The following MAN1C1 variants were observed in gnomAD, a reference collection of about 807,000 sequenced individuals.
MAN1C1 encodes mannosidase alpha class 1C member 1.
In MAN1C1, 49 loss-of-function variants were observed where a neutral mutation model predicts 71.5. The ratio of observed to expected loss-of-function variants is 0.69; its 90% confidence interval spans 0.54 to 0.87. The LOEUF (loss-of-function observed/expected upper bound fraction) is 0.87. Ranked by LOEUF, MAN1C1 falls within the 40% of genes least tolerant of loss-of-function variation. The pLI, the probability that MAN1C1 is intolerant of heterozygous loss-of-function variation, is 0.00. For synonymous variants in MAN1C1, 352 were observed against 343.7 expected, an observed-to-expected ratio of 1.02 and a Z score of -0.27; for missense variants, 743 against 835.0, an observed-to-expected ratio of 0.89 and a Z score of 1.36.
At chr1:25,657,359 C>A (rs2045782617) in intron 1 of MAN1C1, among the ~76,000 whole-genome samples, 1 of 152,206 alleles carries the variant, frequency 6.6e-6, no homozygotes, top group Admixed American at 6.5e-5. Context: ...GTTATCAGGC[C>A]AGCCTGGCCA....
At chr1:25,768,625 C>T (rs1420378810) in intron 7 of MAN1C1, among the ~76,000 whole-genome samples, 1 of 125,230 alleles carries the variant, frequency 8.0e-6, no homozygotes, top group African/African-American at 3.0e-5. Flanking sequence ...ACACTCCCCT[C>T]ACACACACAA....
chr1:25,753,379 C>G lies in MAN1C1; in HGVS notation c.835-105C>G. 1 of 770,920 alleles carries G rather than the reference C, an allele frequency of 1.3e-6. No homozygotes were observed. Among genetic ancestry groups the G allele is most frequent in the South Asian group, 1.9e-5 (1 of 51,504 alleles). 47.8% of individuals were successfully genotyped at this position (770,920 alleles called of 1,614,324 possible). Reference sequence around the variant, plus strand: ...GTGGACTGCAGCACTGCCCCCTACTCTAGACCTGCAGCCCTGGGGGGTTCA... The same window carrying G: ...GTGGACTGCAGCACTGCCCCCTACTGTAGACCTGCAGCCCTGGGGGGTTCA... On this transcript the variant is annotated intron_variant, in intron 4 of 11. Coordinates refer to ENST00000374332, the MANE Select transcript of MAN1C1 (RefSeq NM_020379.4). The surrounding 1 kb of genome is among the most constrained non-coding windows in gnomAD (Gnocchi z 4.9).
In MAN1C1 at chr1:25,719,744, C is replaced by T. The variant is rs376672484; in HGVS notation, c.638-26924C>T. ...CACCTGACCTACATTTTTATTATTG[C>T]CATTCTAGTGGGTGGAAAGTGATAT... On this transcript the variant is annotated intron_variant, in intron 2 of 11. Coordinates refer to ENST00000374332, the MANE Select transcript of MAN1C1 (RefSeq NM_020379.4). 1.4e-3 allele frequency among the ~76,000 whole-genome samples: 208 copies of T among 151,832 alleles called. 1 individual carries two copies. The highest frequency in any genetic ancestry group is 4.9e-3 in the African/African-American group (204 of 41,386).
At chr1:25,683,629 T>C (rs1336970163) in intron 1 of MAN1C1, among the ~76,000 whole-genome samples, 2 of 147,494 alleles carry the variant, frequency 1.4e-5, no homozygotes, top group Non-Finnish European at 3.0e-5. Flanking sequence ...AGCTGGGACC[T>C]GAAGGAAGAT....
intron 1 of MAN1C1, among the ~76,000 whole-genome samples, chr1:25,648,452 G>A (rs533057455): frequency 1.3e-5 from 2 of 152,146 alleles, no homozygotes; most frequent in South Asian, 4.1e-4. Flanking sequence ...AGAACCTGGA[G>A]GAGGAGGAGG....
At chr1:25,663,460 G>A (rs76472199) in intron 1 of MAN1C1, among the ~76,000 whole-genome samples, 278 of 152,272 alleles carry the variant, frequency 1.8e-3, no homozygotes, top group Non-Finnish European at 3.7e-3. Context: ...ATTAGGCACA[G>A]TAACAGATTA....
intron 2 of MAN1C1, among the ~76,000 whole-genome samples, chr1:25,737,893 G>C (rs979186555): frequency 3.9e-5 from 6 of 152,164 alleles, no homozygotes; most frequent in African/African-American, 1.4e-4. Context: ...GGAGCTGCTG[G>C]TGGTCTGATG....
At chr1:25,781,700 C>G (rs1376987731) in intron 10 of MAN1C1, among the ~76,000 whole-genome samples, 1 of 152,108 alleles carries the variant, frequency 6.6e-6, no homozygotes, top group Non-Finnish European at 1.5e-5. Context: ...CTATCTCCCC[C>G]ACCACCCCCG....
At position 25,764,538 on chromosome 1, in the gene MAN1C1, G is replaced by A. The variant is rs530134815; in HGVS notation, c.1141+571G>A. ...AGTGATTCTCCTGACTCAGCCACCCGAGTAGCTGGGACTACAAGCATGTGC... is the reference window on the plus strand; with the variant it reads ...AGTGATTCTCCTGACTCAGCCACCCAAGTAGCTGGGACTACAAGCATGTGC... On this transcript the variant is annotated intron_variant, in intron 7 of 11. Coordinates refer to ENST00000374332, the MANE Select transcript of MAN1C1 (RefSeq NM_020379.4). The surrounding 1 kb of genome is among the most constrained non-coding windows in gnomAD (Gnocchi z 4.4). Among the ~76,000 whole-genome samples the A allele has an allele frequency of 6.6e-6, 1 of 151,832 alleles. No homozygotes were observed. The highest frequency in any genetic ancestry group is 2.1e-4 in the South Asian group (1 of 4,824).
rs569066261 is a variant in MAN1C1, at chr1:25,781,686, GC to G, written c.1650+578del. 4.1e-3 allele frequency among the ~76,000 whole-genome samples: 630 copies of G among 152,192 alleles called. 2 individuals carry two copies. Among genetic ancestry groups the G allele is most frequent in the Middle Eastern group, 0.01 (3 of 294 alleles). On this transcript the variant is annotated intron_variant, in intron 10 of 11. Coordinates refer to ENST00000374332, the MANE Select transcript of MAN1C1 (RefSeq NM_020379.4). ...CCCTGGTGGATGCTGAGCCTTCTCTGCCCCTATCTCCCCCACCACCCCCGTG... is the reference window on the plus strand; with the variant it reads ...CCCTGGTGGATGCTGAGCCTTCTCTGCCCTATCTCCCCCACCACCCCCGTG...
At chr1:25,628,651 G>T (rs2124751758) in intron 1 of MAN1C1, among the ~76,000 whole-genome samples, 1 of 152,218 alleles carries the variant, frequency 6.6e-6, no homozygotes, top group Non-Finnish European at 1.5e-5. Flanking sequence ...GTGGTCTTTG[G>T]TTACATGGAT....
intron 2 of MAN1C1, among the ~76,000 whole-genome samples, chr1:25,696,561 T>C (rs1454547035): frequency 6.6e-6 from 1 of 152,156 alleles, no homozygotes; most frequent in Non-Finnish European, 1.5e-5. Context: ...ATTAAAAGCA[T>C]TTCCATCACC....
chr1:25,680,654 T>G (rs1195365808), intron 1 of MAN1C1, among the ~76,000 whole-genome samples: 2 of 152,250 alleles, frequency 1.3e-5, no homozygotes, highest in Non-Finnish European at 2.9e-5. Context: ...CTTCATTCCT[T>G]TTTCCATCTG....
At chr1:25,683,685 C>T (rs1047591287) in intron 1 of MAN1C1, among the ~76,000 whole-genome samples, 8 of 151,884 alleles carry the variant, frequency 5.3e-5, no homozygotes, top group Middle Eastern at 3.4e-3. Context: ...AAGTGCATTA[C>T]CACCATGGCT....
chr1:25,662,574 A>G (rs2045864340), intron 1 of MAN1C1, among the ~76,000 whole-genome samples: 1 of 151,878 alleles, frequency 6.6e-6, no homozygotes, highest in East Asian at 1.9e-4. Flanking sequence ...ACATGCGCAC[A>G]CACACACAAA....
chr1:25,642,095 T>A (rs2045545716), intron 1 of MAN1C1, among the ~76,000 whole-genome samples: 1 of 152,190 alleles, frequency 6.6e-6, no homozygotes, highest in Admixed American at 6.5e-5. Flanking sequence ...AAATCTTTTT[T>A]GAGGAAGTAG....
chr1:25,700,498 G>T (rs1207420024), intron 2 of MAN1C1, among the ~76,000 whole-genome samples: 1 of 152,236 alleles, frequency 6.6e-6, no homozygotes, highest in East Asian at 1.9e-4. Flanking sequence ...GGAGCTGGGA[G>T]CAGAGTTGGG....
chr1:25,680,574 T>C (rs2046137811), intron 1 of MAN1C1, among the ~76,000 whole-genome samples: 1 of 152,242 alleles, frequency 6.6e-6, no homozygotes, highest in Non-Finnish European at 1.5e-5. Flanking sequence ...CCAGGTAGCA[T>C]TTGTGCATCT....
rs11803556 is a variant in MAN1C1 at position 25,686,578 on chromosome 1, C to T, written c.637+42C>T. 3,464 of 1,556,472 alleles carry T rather than the reference C, an allele frequency of 2.2e-3. 56 individuals are homozygous for T. The African/African-American group carries it at 0.033, about 15-fold the overall frequency. On this transcript the variant is annotated intron_variant, in intron 2 of 11. Coordinates refer to ENST00000374332, the MANE Select transcript of MAN1C1 (RefSeq NM_020379.4). Reference sequence around the variant, plus strand: ...CACTTTGATATTGGGAGGGACCCACCGCCCCGCCAGTGGCCGAGTGGAATT... The same window carrying T: ...CACTTTGATATTGGGAGGGACCCACTGCCCCGCCAGTGGCCGAGTGGAATT...
Sources: allele counts gnomAD v4.1 joint callset (sites outside exome capture counted in the v4.1 genomes callset), GRCh38; gene constraint gnomAD v4.1.1; non-coding constraint Gnocchi (gnomAD v3.1); transcripts MANE v1.5; gene names NCBI Gene and HGNC (gene_info 2026-07-23, HGNC 2026-07-21).